Variants in ALK observed in about 807,000 individuals in gnomAD.
ALK encodes ALK receptor tyrosine kinase, also known as ALK tyrosine kinase receptor.
ALK carries 74 observed loss-of-function variants against 163.1 expected under a neutral mutation model. The observed-to-expected ratio is 0.45, with a 90% CI of 0.38 to 0.55. The LOEUF is 0.55. ALK is among the 20% of genes least tolerant of loss of function. The pLI, the probability that ALK is intolerant of heterozygous loss-of-function variation, is 0.00. For missense variants in ALK, 2,063 were observed against 2,105.3 expected, an observed-to-expected ratio of 0.98 and a Z score of 0.39; for synonymous variants, 960 against 843.2, an observed-to-expected ratio of 1.14 and a Z score of -2.40.
chr2:29,396,146 CT>C (rs1007675602), intron 4 of ALK, among the ~76,000 whole-genome samples: 50 of 152,234 alleles, frequency 3.3e-4, no homozygotes, highest in African/African-American at 1.1e-3. Context: ...GCTCTGAGCC[CT>C]CTTGGTACAA....
chr2:29,270,896 G>A (rs907143618), intron 11 of ALK, among the ~76,000 whole-genome samples: 3 of 152,176 alleles, frequency 2.0e-5, no homozygotes, highest in Non-Finnish European at 4.4e-5. Flanking sequence ...CACCTTCAAG[G>A]CTGGGATGCA....
chr2:29,253,875 GATA>G (rs879809097), intron 11 of ALK, among the ~76,000 whole-genome samples: 1,933 of 151,860 alleles, frequency 0.013, 53 homozygotes, highest in African/African-American at 0.045. Context: ...TAGATAGATA[GATA>G]GATAGATAGA....
At chr2:29,394,940 C>T (rs142198366) in intron 4 of ALK, among the ~76,000 whole-genome samples, 484 of 151,940 alleles carry the variant, frequency 3.2e-3, no homozygotes, top group Non-Finnish European at 5.5e-3. Flanking sequence ...TGAAATGTGG[C>T]CGTTTCTGTG....
chr2:29,720,275 T>G (rs1679383512), intron 1 of ALK, among the ~76,000 whole-genome samples: 1 of 151,910 alleles, frequency 6.6e-6, no homozygotes, highest in East Asian at 1.9e-4. Context: ...AGCAAGGTAA[T>G]ATGGACATCA....
intron 5 of ALK, among the ~76,000 whole-genome samples, chr2:29,362,791 G>A (rs186719233): frequency 2.6e-5 from 4 of 152,180 alleles, no homozygotes; most frequent in Non-Finnish European, 2.9e-5. Flanking sequence ...TATATTGCCC[G>A]GCACCTAGTT....
chr2:29,706,140 G>A (rs1257191106), intron 2 of ALK, among the ~76,000 whole-genome samples: 1 of 152,150 alleles, frequency 6.6e-6, no homozygotes, highest in African/African-American at 2.4e-5. Flanking sequence ...AATGGAGTGG[G>A]GGAATAAAAT....
chr2:29,474,392 C>G lies in ALK; in HGVS notation c.1154+57523G>C, dbSNP rs114007365. ...CCGGTAAGTGTTTCACATCTTGGTC[C>G]GAGTGGTAATTCCATGAATGATTTC... On this transcript the variant is annotated intron_variant, in intron 4 of 28. Transcript: ENST00000389048. Among the ~76,000 whole-genome samples, 905 of 152,192 alleles carry G rather than the reference C, an allele frequency of 5.9e-3. 13 individuals carry two copies. Among genetic ancestry groups the G allele is most frequent in the African/African-American group, 0.021 (858 of 41,524 alleles).
At chr2:29,880,496 C>G (rs2148417979) in intron 1 of ALK, among the ~76,000 whole-genome samples, 1 of 152,234 alleles carries the variant, frequency 6.6e-6, no homozygotes, top group Non-Finnish European at 1.5e-5. Flanking sequence ...CACTTTGGAC[C>G]AAATTAAAAG....
At position 29,408,081 on chromosome 2, in the gene ALK, C is replaced by CTTTTTTTTTTTT. The variant is rs760683752; in HGVS notation, c.1155-24223_1155-24222insAAAAAAAAAAAA. Among the ~76,000 whole-genome samples, 3 of 140,850 alleles carry CTTTTTTTTTTTT rather than the reference C, an allele frequency of 2.1e-5. 1 individual carries two copies. The allele number at this position is 140,850 out of a possible 152,430, so 92.4% of individuals were successfully genotyped here. On this transcript the variant is annotated intron_variant, in intron 4 of 28. Transcript: ENST00000389048. ...TAGGCAAAGGTACTCAGGGAAAGTT[C>CTTTTTTTTTTTT]TTTTTCTTTTTTTTTTTTTGAGATG... is the stretch of plus-strand genomic sequence containing the variant.
At chr2:29,786,706 G>A (rs1294206262) in intron 1 of ALK, among the ~76,000 whole-genome samples, 1 of 152,210 alleles carries the variant, frequency 6.6e-6, no homozygotes, top group African/African-American at 2.4e-5. Context: ...CTAATGAAAA[G>A]TTCCCTTGTA....
intron 4 of ALK, among the ~76,000 whole-genome samples, chr2:29,447,789 T>C (rs1670723233): frequency 6.6e-6 from 1 of 152,150 alleles, no homozygotes; most frequent in African/African-American, 2.4e-5. Context: ...ACACATCTTG[T>C]CTTTGGGATG....
intron 3 of ALK, among the ~76,000 whole-genome samples, chr2:29,586,028 A>G (rs1460519522): frequency 2.0e-5 from 3 of 152,194 alleles, no homozygotes; most frequent in Non-Finnish European, 4.4e-5. Flanking sequence ...CATAAAAAGC[A>G]TGCCTATTTC....
rs753845005 is a variant in ALK, at chr2:29,345,733, G to A, written c.1283-17252C>T. ...AAGAAACAACATCCCCACAGACAGGGAAACAGTAATAAAAGCTCGTACCCC... is the reference window on the plus strand; with the variant it reads ...AAGAAACAACATCCCCACAGACAGGAAAACAGTAATAAAAGCTCGTACCCC... On this transcript the variant is annotated intron_variant, in intron 5 of 28. Transcript: ENST00000389048. 4.5e-4 allele frequency among the ~76,000 whole-genome samples: 68 copies of A among 152,154 alleles called. 1 individual carries two copies. In the South Asian group the frequency reaches 8.3e-3, roughly 19 times the overall value.
At chr2:29,832,048 G>A (rs1240566577) in intron 1 of ALK, among the ~76,000 whole-genome samples, 1 of 152,204 alleles carries the variant, frequency 6.6e-6, no homozygotes, top group Non-Finnish European at 1.5e-5. Context: ...CTTGAGTACA[G>A]GTGAGTCTTC....
intron 5 of ALK, among the ~76,000 whole-genome samples, chr2:29,345,230 C>T (rs1440167970): frequency 2.0e-5 from 3 of 151,768 alleles, no homozygotes; most frequent in Non-Finnish European, 4.4e-5. Flanking sequence ...CTTGTCTCTA[C>T]TAAAAATACA....
At chr2:29,597,844 T>G (rs1675256463) in intron 3 of ALK, among the ~76,000 whole-genome samples, 1 of 151,986 alleles carries the variant, frequency 6.6e-6, no homozygotes, top group East Asian at 1.9e-4. Flanking sequence ...GGAGGGATAT[T>G]GGGGTGTGGT....
intron 3 of ALK, among the ~76,000 whole-genome samples, chr2:29,535,566 G>C (rs34844938): frequency 0.15 from 22,547 of 152,178 alleles, 1,949 homozygotes; most frequent in East Asian, 0.31. Context: ...CATGAATCAA[G>C]TAGGCAGTAC....
In ALK at chr2:29,273,975, C is replaced by G. The variant is rs544454736; in HGVS notation, c.2041+1124G>C. Among the ~76,000 whole-genome samples the G allele has an allele frequency of 1.9e-4, 29 of 152,216 alleles. No individual in the cohort carries two copies. In the South Asian group the frequency reaches 6.0e-3, roughly 32 times the overall value. On this transcript the variant is annotated intron_variant, in intron 11 of 28. Transcript: ENST00000389048. Reference sequence around the variant, plus strand: ...CTGCAGTTTTGTAGGACGGGCTCCCCTCTGTGTGGGAATATACAAAGGTCT... The same window carrying G: ...CTGCAGTTTTGTAGGACGGGCTCCCGTCTGTGTGGGAATATACAAAGGTCT...
chr2:29,739,753 A>G (rs934216811), intron 1 of ALK, among the ~76,000 whole-genome samples: 2 of 152,028 alleles, frequency 1.3e-5, no homozygotes, highest in Non-Finnish European at 2.9e-5. Context: ...ATTTTATGAG[A>G]TGTGTATTGT....
Sources: gnomAD v4.1 joint callset for allele counts (sites outside exome capture counted in the v4.1 genomes callset) on GRCh38, gnomAD v4.1.1 for gene constraint, MANE v1.5 for transcripts, NCBI Gene and HGNC (gene_info 2026-07-23, HGNC 2026-07-21) for gene names.